Variants in SLC24A2 observed in about 807,000 individuals in gnomAD.
SLC24A2 encodes the protein sodium/potassium/calcium exchanger 2.
Under a neutral mutation model 62.0 loss-of-function variants are expected in SLC24A2, and 36 were observed. That is an observed-to-expected ratio of 0.58 (90% CI 0.44 to 0.77). SLC24A2 has a LOEUF of 0.77. Ranked by LOEUF, SLC24A2 falls within the 30% of genes least tolerant of loss-of-function variation. The pLI, the probability that SLC24A2 is intolerant of heterozygous loss-of-function variation, is 0.00. For synonymous variants in SLC24A2, 358 were observed against 294.0 expected, an observed-to-expected ratio of 1.22 and a Z score of -2.23; for missense variants, 846 against 817.9, an observed-to-expected ratio of 1.03 and a Z score of -0.42.
At chr9:20,234,026 A>C in the SLC24A2 span, among the ~76,000 whole-genome samples, 2 of 152,052 alleles carry the variant, frequency 1.3e-5, no homozygotes, top group East Asian at 1.9e-4. Flanking sequence ...GTTGAAAATT[A>C]TTTTCTTTAA....
At chr9:20,146,831 G>A in the SLC24A2 span, among the ~76,000 whole-genome samples, 3 of 152,084 alleles carry the variant, frequency 2.0e-5, no homozygotes, top group Non-Finnish European at 4.4e-5. Context: ...CAGTGGCAGA[G>A]TGGGCATCCA....
chr9:19,952,371 A>G, the SLC24A2 span, among the ~76,000 whole-genome samples: 2 of 152,012 alleles, frequency 1.3e-5, no homozygotes, highest in East Asian at 1.9e-4. Flanking sequence ...ATATCCTTCA[A>G]TTTTTCTAGA....
the SLC24A2 span, among the ~76,000 whole-genome samples, chr9:19,966,045 G>A: frequency 6.6e-6 from 1 of 152,064 alleles, no homozygotes. Context: ...TCCTCCTTTT[G>A]ATTGGCTTGA....
At chr9:19,654,605 T>C (rs1818891930) in intron 2 of SLC24A2, among the ~76,000 whole-genome samples, 1 of 152,212 alleles carries the variant, frequency 6.6e-6, no homozygotes. Context: ...CATGTTGTTC[T>C]AACATTTGTC....
the SLC24A2 span, among the ~76,000 whole-genome samples, chr9:20,004,156 C>G: frequency 6.6e-6 from 1 of 152,170 alleles, no homozygotes; most frequent in Non-Finnish European, 1.5e-5. Context: ...TACCAGCTAA[C>G]AAGCACCTAA....
the SLC24A2 span, among the ~76,000 whole-genome samples, chr9:20,004,242 C>A: frequency 3.9e-5 from 6 of 152,200 alleles, no homozygotes; most frequent in African/African-American, 1.4e-4. Context: ...AAATACTTAG[C>A]CTCCTACCTT....
chr9:20,086,710 T>A, the SLC24A2 span, among the ~76,000 whole-genome samples: 1 of 152,218 alleles, frequency 6.6e-6, no homozygotes, highest in Admixed American at 6.5e-5. Flanking sequence ...TTGGTGTGCC[T>A]CTTAGTTTCT....
At chr9:20,167,108 C>A in the SLC24A2 span, among the ~76,000 whole-genome samples, 1 of 151,964 alleles carries the variant, frequency 6.6e-6, no homozygotes, top group Non-Finnish European at 1.5e-5. Flanking sequence ...AGCCACTGCA[C>A]CCTGCAATCC....
At chr9:19,579,472 G>A (rs1410101777) in intron 5 of SLC24A2, among the ~76,000 whole-genome samples, 1 of 152,040 alleles carries the variant, frequency 6.6e-6, no homozygotes, top group Non-Finnish European at 1.5e-5. Context: ...CCACCCAGAA[G>A]AGGAAAAAAG....
chr9:20,193,825 T>C, the SLC24A2 span, among the ~76,000 whole-genome samples: 1 of 152,096 alleles, frequency 6.6e-6, no homozygotes, highest in Non-Finnish European at 1.5e-5. Flanking sequence ...AAGAGGGTTT[T>C]TGTTTTGTTT....
chr9:20,105,903 C>G, the SLC24A2 span, among the ~76,000 whole-genome samples: 1 of 152,138 alleles, frequency 6.6e-6, no homozygotes, highest in South Asian at 2.1e-4. Flanking sequence ...ATTAATGAAT[C>G]CAGGAGCTGG....
At chr9:19,923,224 T>C in the SLC24A2 span, among the ~76,000 whole-genome samples, 2 of 152,084 alleles carry the variant, frequency 1.3e-5, no homozygotes, top group African/African-American at 4.8e-5. Context: ...CTGAAAGATG[T>C]CCAAGGACAC....
chr9:19,951,954 C>T, the SLC24A2 span, among the ~76,000 whole-genome samples: 339 of 152,144 alleles, frequency 2.2e-3, 6 homozygotes, highest in East Asian at 0.059. Flanking sequence ...GTTGAGTTTT[C>T]TAATCCATGA....
intron 2 of SLC24A2, among the ~76,000 whole-genome samples, chr9:19,725,535 C>G (rs1368275942): frequency 2.0e-5 from 3 of 152,044 alleles, no homozygotes; most frequent in South Asian, 2.1e-4. Context: ...TCATAATAAG[C>G]TATTTTCCTA....
chr9:20,229,784 C>A, the SLC24A2 span, among the ~76,000 whole-genome samples: 2 of 151,722 alleles, frequency 1.3e-5, no homozygotes, highest in African/African-American at 4.8e-5. Flanking sequence ...GCACAACGTG[C>A]AGGTTTGTTA....
intron 7 of SLC24A2, among the ~76,000 whole-genome samples, chr9:19,550,601 C>CT (rs1347865016): frequency 1.3e-5 from 2 of 152,130 alleles, no homozygotes; most frequent in African/African-American, 4.8e-5. Context: ...GAGGAAAAGA[C>CT]TTGATGACCA....
At chr9:19,987,963 T>C in the SLC24A2 span, among the ~76,000 whole-genome samples, 1 of 152,202 alleles carries the variant, frequency 6.6e-6, no homozygotes, top group Admixed American at 6.5e-5. Context: ...GAAATGTCAA[T>C]TGCATTGAAA....
At chr9:19,647,066 G>GCACACACA (rs1158736193) in intron 2 of SLC24A2, among the ~76,000 whole-genome samples, 1 of 25,386 alleles carries the variant, frequency 3.9e-5, no homozygotes, top group Admixed American at 5.4e-4. Context: ...ACACACACGC[G>GCACACACA]CGCACACACA....
At chr9:20,143,800 T>C in the SLC24A2 span, among the ~76,000 whole-genome samples, 3 of 152,234 alleles carry the variant, frequency 2.0e-5, no homozygotes, top group South Asian at 6.2e-4. Context: ...TATATTAACA[T>C]TGCTTGTGGG....
Sources: gnomAD v4.1 joint callset for allele counts (sites outside exome capture counted in the v4.1 genomes callset) on GRCh38, gnomAD v4.1.1 for gene constraint, MANE v1.5 for transcripts, NCBI Gene and HGNC (gene_info 2026-07-23, HGNC 2026-07-21) for gene names.